C1QTNF7: variants seen among roughly 807,000 people sequenced by gnomAD.
C1QTNF7 encodes C1q and TNF related 7.
A neutral mutation model predicts 19.6 loss-of-function variants in C1QTNF7; 15 were observed. The ratio of observed to expected loss-of-function variants is 0.76; its 90% CI spans 0.51 to 1.18. The LOEUF is 1.18. Among genes scored for constraint, C1QTNF7 ranks in the 50% most tolerant of loss-of-function variants. C1QTNF7 has a pLI of 0.00. For missense variants in C1QTNF7, 324 were observed against 359.7 expected, an observed-to-expected ratio of 0.90 and a Z score of 0.80; for synonymous variants, 142 against 137.5, an observed-to-expected ratio of 1.03 and a Z score of -0.23.
At chr4:15,438,296 G>A (rs977651969) in intron 2 of C1QTNF7, among the ~76,000 whole-genome samples, 4 of 152,142 alleles carry the variant, frequency 2.6e-5, no homozygotes, top group Non-Finnish European at 5.9e-5. Context: ...CTATATGATC[G>A]ATGAAGAGAG....
chr4:15,413,901 G>A (rs1193659753), intron 1 of C1QTNF7, among the ~76,000 whole-genome samples: 2 of 152,154 alleles, frequency 1.3e-5, no homozygotes, highest in African/African-American at 2.4e-5. Flanking sequence ...AATGTAACTG[G>A]AGAGAGCAAC....
At chr4:15,381,212 T>C (rs1331276730) in intron 1 of C1QTNF7, among the ~76,000 whole-genome samples, 11 of 151,846 alleles carry the variant, frequency 7.2e-5, no homozygotes, top group Non-Finnish European at 2.9e-5. Context: ...GGTCAGAAGA[T>C]CAAGACAATC....
chr4:15,411,473 C>T (rs1177081554), intron 1 of C1QTNF7, among the ~76,000 whole-genome samples: 1 of 152,190 alleles, frequency 6.6e-6, no homozygotes, highest in African/African-American at 2.4e-5. Flanking sequence ...GGGTCTCTGG[C>T]AGCCTAGTCA....
chr4:15,434,759 G>C (rs529755259), intron 1 of C1QTNF7, among the ~76,000 whole-genome samples: 3 of 152,258 alleles, frequency 2.0e-5, no homozygotes, highest in African/African-American at 7.2e-5. Flanking sequence ...AGTCCTATTA[G>C]ATCAGAATTG....
At chr4:15,374,647 T>C in intron 1 of C1QTNF7, 1 of 985,296 alleles carries the variant, frequency 1.0e-6, no homozygotes, top group Non-Finnish European at 1.2e-6. Context: ...CTTATCAATC[T>C]GAAGCCCCAA....
At chr4:15,436,261 G>C (rs1712532848) in intron 2 of C1QTNF7, among the ~76,000 whole-genome samples, 1 of 152,194 alleles carries the variant, frequency 6.6e-6, no homozygotes, top group African/African-American at 2.4e-5. Context: ...ACTGAGAATG[G>C]ACCGGGGTGG....
At chr4:15,373,448 A>T (rs568107223) in intron 1 of C1QTNF7, among the ~76,000 whole-genome samples, 88 of 152,228 alleles carry the variant, frequency 5.8e-4, no homozygotes, top group Non-Finnish European at 9.7e-4. Flanking sequence ...AACCATGGCA[A>T]CTACTTTATA....
intron 1 of C1QTNF7, among the ~76,000 whole-genome samples, chr4:15,416,497 G>A (rs908495089): frequency 6.6e-6 from 1 of 152,182 alleles, no homozygotes; most frequent in Non-Finnish European, 1.5e-5. Flanking sequence ...TGACCATGCT[G>A]ACACGTGCAC....
Position 15,442,567 on chromosome 4 carries a change from A to G in C1QTNF7, c.638A>G (p.Asn213Ser). 4 of 1,614,190 alleles carry G rather than the reference A, an allele frequency of 2.5e-6. No homozygotes were observed. Among genetic ancestry groups the G allele is most frequent in the Non-Finnish European group, 3.4e-6 (4 of 1,180,032 alleles). ...NKHLAIGLVHNGQYRIKTFDA... is the reference protein window; with the variant it reads ...NKHLAIGLVHSGQYRIKTFDA... Reference sequence around the variant, plus strand: ...CATCTGGCAATCGGACTGGTACACAATGGGCAATACCGGATAAAGACCTTC... The same window carrying G: ...CATCTGGCAATCGGACTGGTACACAGTGGGCAATACCGGATAAAGACCTTC... Residue 213 changes from asparagine (N) to serine (S), a missense_variant, in exon 3 of 3, where the codon AAT (asparagine) becomes AGT (serine). Coordinates refer to ENST00000444304, the MANE Select transcript of C1QTNF7 (RefSeq NM_031911.5).
At chr4:15,416,765 A>G (rs1719621880) in intron 1 of C1QTNF7, among the ~76,000 whole-genome samples, 1 of 152,226 alleles carries the variant, frequency 6.6e-6, no homozygotes, top group Non-Finnish European at 1.5e-5. Flanking sequence ...TTAGCATTGC[A>G]TTATTGCATT....
At chr4:15,441,847 C>T (rs1427612324) in intron 2 of C1QTNF7, among the ~76,000 whole-genome samples, 1 of 152,034 alleles carries the variant, frequency 6.6e-6, no homozygotes, top group Non-Finnish European at 1.5e-5. Context: ...TGGTGAAACC[C>T]AGTCTATACT....
At chr4:15,390,423 C>A (rs996119410) in intron 1 of C1QTNF7, among the ~76,000 whole-genome samples, 1 of 152,154 alleles carries the variant, frequency 6.6e-6, no homozygotes, top group Non-Finnish European at 1.5e-5. Context: ...TGAAGCCTAG[C>A]CAAGTTAATG....
intron 1 of C1QTNF7, chr4:15,374,213 C>T (rs1279745226): frequency 6.6e-6 from 1 of 152,218 alleles, no homozygotes; most frequent in Non-Finnish European, 1.5e-5. Context: ...TCTTGTAAGC[C>T]CTGGGCATCG....
intron 1 of C1QTNF7, among the ~76,000 whole-genome samples, chr4:15,433,729 C>T (rs759719573): frequency 6.6e-6 from 1 of 152,162 alleles, no homozygotes; most frequent in African/African-American, 2.4e-5. Context: ...GCGGCCTCCT[C>T]GGCAGGTAGC....
At chr4:15,350,504 G>A (rs1716899867) in intron 1 of C1QTNF7, among the ~76,000 whole-genome samples, 1 of 152,202 alleles carries the variant, frequency 6.6e-6, no homozygotes, top group African/African-American at 2.4e-5. Context: ...GAGATCTGCA[G>A]ATGAATTCCT....
intron 1 of C1QTNF7, among the ~76,000 whole-genome samples, chr4:15,373,243 T>C (rs1717798650): frequency 6.6e-6 from 1 of 152,172 alleles, no homozygotes; most frequent in Admixed American, 6.5e-5. Flanking sequence ...AAATGCTATG[T>C]CCACACATGA....
intron 2 of C1QTNF7, 44 bp downstream of exon 2, chr4:15,436,025 C>A (rs1245231496): frequency 6.4e-7 from 1 of 1,573,570 alleles, no homozygotes; most frequent in Non-Finnish European, 8.6e-7. Context: ...TTCACCCCCA[C>A]CTTAAAACTG....
At chr4:15,431,756 G>GT (rs1377131234) in intron 1 of C1QTNF7, among the ~76,000 whole-genome samples, 2 of 152,150 alleles carry the variant, frequency 1.3e-5, no homozygotes, top group Non-Finnish European at 2.9e-5. Context: ...AAGCCCTGCT[G>GT]TAAGTGGTTG....
intron 1 of C1QTNF7, among the ~76,000 whole-genome samples, chr4:15,380,610 C>A (rs74984913): frequency 6.6e-6 from 1 of 152,158 alleles, no homozygotes; most frequent in Non-Finnish European, 1.5e-5. Flanking sequence ...TGGAAGTCTG[C>A]GTATTCTGCT....
Sources: allele counts gnomAD v4.1 joint callset (sites outside exome capture counted in the v4.1 genomes callset), GRCh38; gene constraint gnomAD v4.1.1; transcripts MANE v1.5; gene names NCBI Gene and HGNC (gene_info 2026-07-23, HGNC 2026-07-21).